The following DMRT1 variants were observed in gnomAD, a reference collection of about 807,000 sequenced individuals.
DMRT1 encodes the protein doublesex and mab-3 related transcription factor 1.
A neutral mutation model predicts 32.3 loss-of-function variants in DMRT1; 7 were observed. The ratio of observed to expected loss-of-function variants is 0.22; its 90% CI spans 0.12 to 0.41. The LOEUF (loss-of-function observed/expected upper bound fraction) is 0.41, where lower values mean the gene tolerates loss of function less well. Among genes scored for constraint, DMRT1 ranks in the 10% least tolerant of loss-of-function variants. The pLI, the probability that DMRT1 is intolerant of heterozygous loss-of-function variation, is 1.00. For synonymous variants in DMRT1, 278 were observed against 206.1 expected (o/e 1.35, Z -2.99); for missense variants, 625 against 500.5 (o/e 1.25, Z -2.37).
At chr9:943,476 C>G (rs1440644265) in intron 4 of DMRT1, among the ~76,000 whole-genome samples, 6 of 152,236 alleles carry the variant, frequency 3.9e-5, no homozygotes, top group Non-Finnish European at 7.3e-5. Context: ...CGAGGACACT[C>G]TCTCAACAGG....
Position 968,597 on chromosome 9 carries a change from G to T in DMRT1, c.*458G>T, listed in dbSNP as rs1038826926. The T allele has an allele frequency of 6.1e-6, 1 of 163,504 alleles. No homozygotes were observed. Among genetic ancestry groups the T allele is most frequent in the Non-Finnish European group, 1.3e-5 (1 of 74,612 alleles). The allele number at this position is 163,504 out of a possible 1,614,324, so 10.1% of individuals were successfully genotyped here. ...TTACCTGACGGGTGAGAAGAAAAGA[G>T]CAGGCAAAATTAGTGATTTTTTTAG... On this transcript the variant is annotated 3_prime_UTR_variant, in exon 5 of 5. Transcript: ENST00000382276.
At chr9:929,668 A>G (rs1818644255) in intron 4 of DMRT1, among the ~76,000 whole-genome samples, 2 of 152,118 alleles carry the variant, frequency 1.3e-5, no homozygotes, top group Non-Finnish European at 2.9e-5. Context: ...CTCAGAATGA[A>G]AATGGAAATT....
chr9:937,860 A>G (rs1025690699), intron 4 of DMRT1, among the ~76,000 whole-genome samples: 17 of 151,724 alleles, frequency 1.1e-4, no homozygotes, highest in Middle Eastern at 3.4e-3. Flanking sequence ...GATAAAGTCC[A>G]AGTTATCTAG....
chr9:842,587 G>C (rs1049389526), intron 1 of DMRT1: 3 of 202,228 alleles, frequency 1.5e-5, no homozygotes, highest in African/African-American at 2.4e-5. Flanking sequence ...TGCCATGCGG[G>C]TCCTGGGTTG....
intron 2 of DMRT1, among the ~76,000 whole-genome samples, chr9:857,097 C>T (rs147803334): frequency 0.059 from 8,980 of 152,086 alleles, 799 homozygotes; most frequent in African/African-American, 0.2. Flanking sequence ...GGTGGATCAC[C>T]TGAGGTCAGG....
intron 3 of DMRT1, among the ~76,000 whole-genome samples, chr9:901,617 G>A (rs986214055): frequency 3.3e-5 from 5 of 151,846 alleles, no homozygotes; most frequent in East Asian, 1.9e-4. Flanking sequence ...GGGAGCCACC[G>A]CGCCCGGCTG....
chr9:887,117 G>A (rs1263547782), intron 2 of DMRT1, among the ~76,000 whole-genome samples: 1 of 152,162 alleles, frequency 6.6e-6, no homozygotes, highest in East Asian at 1.9e-4. Context: ...CTTGAACCTG[G>A]GAGGCGGAGG....
At chr9:847,348 T>C (rs1389049117) in intron 2 of DMRT1, among the ~76,000 whole-genome samples, 2 of 152,194 alleles carry the variant, frequency 1.3e-5, no homozygotes, top group African/African-American at 4.8e-5. Flanking sequence ...TTCAACTCTT[T>C]CCTGTTGGTT....
chr9:861,167 G>C (rs113305081), intron 2 of DMRT1, among the ~76,000 whole-genome samples: 40 of 150,394 alleles, frequency 2.7e-4, no homozygotes, highest in Admixed American at 8.0e-4. Context: ...ATAAACATGT[G>C]AACAAAGGTC....
At chr9:896,581 G>A (rs1242271851) in intron 3 of DMRT1, among the ~76,000 whole-genome samples, 1 of 152,130 alleles carries the variant, frequency 6.6e-6, no homozygotes, top group Non-Finnish European at 1.5e-5. Context: ...TTGGGAGGCC[G>A]AGGCGGGTGG....
intron 4 of DMRT1, among the ~76,000 whole-genome samples, chr9:956,428 G>T (rs114361005): frequency 6.6e-6 from 1 of 152,080 alleles, no homozygotes; most frequent in South Asian, 2.1e-4. Flanking sequence ...GCCAGGTGTG[G>T]TGGCTCATGC....
intron 3 of DMRT1, among the ~76,000 whole-genome samples, chr9:909,078 G>C (rs1817881588): frequency 6.6e-6 from 1 of 152,060 alleles, no homozygotes; most frequent in South Asian, 2.1e-4. Flanking sequence ...CCTCCCTCTA[G>C]GAGGGAAGTG....
chr9:903,727 G>C (rs1025734262), intron 3 of DMRT1, among the ~76,000 whole-genome samples: 1 of 152,156 alleles, frequency 6.6e-6, no homozygotes, highest in African/African-American at 2.4e-5. Context: ...AAAATATGTA[G>C]ATTCCAGAAG....
At chr9:926,151 C>G (rs1454917847) in intron 4 of DMRT1, among the ~76,000 whole-genome samples, 1 of 129,382 alleles carries the variant, frequency 7.7e-6, no homozygotes, top group African/African-American at 3.0e-5. Flanking sequence ...CAAACTTAAA[C>G]CCTTCGGCAT....
At chr9:893,820 C>A in intron 2 of DMRT1, 92 bp from the exon 3 acceptor site, 1 of 1,194,398 alleles carries the variant, frequency 8.4e-7, no homozygotes, top group Non-Finnish European at 1.2e-6. Context: ...AGCTACCTTG[C>A]TCCGCAGGTC....
intron 2 of DMRT1, among the ~76,000 whole-genome samples, chr9:865,833 T>C (rs1815958112): frequency 6.6e-6 from 1 of 152,194 alleles, no homozygotes; most frequent in South Asian, 2.1e-4. Flanking sequence ...ACTTCGCTGA[T>C]AGATGCCTTC....
intron 2 of DMRT1, among the ~76,000 whole-genome samples, chr9:857,704 C>T (rs887454546): frequency 6.6e-6 from 1 of 151,216 alleles, no homozygotes; most frequent in Non-Finnish European, 1.5e-5. Context: ...TATACATGTG[C>T]CATGTTGGTG....
At chr9:906,887 T>C (rs1385080021) in intron 3 of DMRT1, among the ~76,000 whole-genome samples, 2 of 152,252 alleles carry the variant, frequency 1.3e-5, no homozygotes, top group Admixed American at 6.5e-5. Context: ...CTGTCTGTAC[T>C]TAATTCCTTG....
intron 3 of DMRT1, among the ~76,000 whole-genome samples, chr9:915,554 C>T (rs1244330930): frequency 6.6e-6 from 1 of 152,182 alleles, no homozygotes; most frequent in East Asian, 1.9e-4. Flanking sequence ...TGCTCTGCCC[C>T]ATGTGTCCAG....
Sources: gnomAD v4.1 joint callset for allele counts (sites outside exome capture counted in the v4.1 genomes callset) on GRCh38, gnomAD v4.1.1 for gene constraint, MANE v1.5 for transcripts, NCBI Gene and HGNC (gene_info 2026-07-23, HGNC 2026-07-21) for gene names.